The following PTGES3 variants were observed in gnomAD, a reference collection of about 807,000 sequenced individuals.
The protein encoded by PTGES3 is Hsp90 co-chaperone.
A neutral mutation model predicts 29.9 loss-of-function variants in PTGES3; 5 were observed. The observed-to-expected ratio is 0.17, with a 90% CI of 0.09 to 0.35. PTGES3 has a LOEUF of 0.35. Ranked by LOEUF, PTGES3 falls within the 10% of genes least tolerant of loss-of-function variation. The pLI is 1.00. For synonymous variants in PTGES3, 49 were observed against 57.8 expected, an observed-to-expected ratio of 0.85 and a Z score of 0.69; for missense variants, 128 against 190.0, an observed-to-expected ratio of 0.67 and a Z score of 1.92.
intron 1 of PTGES3, among the ~76,000 whole-genome samples, chr12:56,678,834 A>G (rs527579348): frequency 4.3e-4 from 65 of 152,324 alleles, no homozygotes; most frequent in African/African-American, 1.6e-3. Context: ...AGCATGGAAT[A>G]GGCTGGGCAC....
intron 1 of PTGES3, among the ~76,000 whole-genome samples, chr12:56,681,870 C>G (rs1179843394): frequency 1.3e-5 from 2 of 151,784 alleles, no homozygotes; most frequent in Non-Finnish European, 2.9e-5. Flanking sequence ...AAAAAAGAGT[C>G]TCACTCTGTA....
chr12:56,681,680 T>G (rs1252990629), intron 1 of PTGES3, among the ~76,000 whole-genome samples: 3 of 148,354 alleles, frequency 2.0e-5, no homozygotes, highest in Non-Finnish European at 4.4e-5. Context: ...AAACCCCATC[T>G]CTACTTAAAA....
chr12:56,668,330 C>G (rs766801105), intron 5 of PTGES3, among the ~76,000 whole-genome samples: 1 of 152,114 alleles, frequency 6.6e-6, no homozygotes, highest in Non-Finnish European at 1.5e-5. Context: ...CATAACGCTA[C>G]GTGCTTAAGA....
intron 4 of PTGES3, among the ~76,000 whole-genome samples, chr12:56,671,005 G>A (rs1391809502): frequency 6.6e-6 from 1 of 152,146 alleles, no homozygotes; most frequent in African/African-American, 2.4e-5. Flanking sequence ...GCTATTTGGA[G>A]AGGTGAGGTG....
At chr12:56,665,881 G>C in intron 6 of PTGES3, 2 of 936,886 alleles carry the variant, frequency 2.1e-6, no homozygotes, top group Non-Finnish European at 2.6e-6. Flanking sequence ...CTGCCCACCT[G>C]GCCTGCTGGG....
intron 4 of PTGES3, chr12:56,670,582 C>A: frequency 2.0e-6 from 1 of 502,222 alleles, no homozygotes; most frequent in Non-Finnish European, 3.6e-6. Flanking sequence ...CCTCTTCAGG[C>A]AACCTGGTGG....
At chr12:56,684,856 A>C (rs1188478987) in intron 1 of PTGES3, among the ~76,000 whole-genome samples, 1 of 152,222 alleles carries the variant, frequency 6.6e-6, no homozygotes, top group Non-Finnish European at 1.5e-5. Flanking sequence ...ATTTAAAGAA[A>C]TGTAACTACG....
chr12:56,681,604 T>C (rs1290017198), intron 1 of PTGES3, among the ~76,000 whole-genome samples: 1 of 145,050 alleles, frequency 6.9e-6, no homozygotes, highest in African/African-American at 2.6e-5. Flanking sequence ...ATCCCAGCAC[T>C]TTGGGAGGCC....
chr12:56,666,513 G>A (rs1405763795), intron 5 of PTGES3, among the ~76,000 whole-genome samples: 2 of 152,210 alleles, frequency 1.3e-5, no homozygotes, highest in Non-Finnish European at 2.9e-5. Context: ...CAACAGGTTT[G>A]ACAAACATTA....
At chr12:56,684,682 C>G (rs1408709151) in intron 1 of PTGES3, among the ~76,000 whole-genome samples, 1 of 152,014 alleles carries the variant, frequency 6.6e-6, no homozygotes, top group African/African-American at 2.4e-5. Context: ...ATCGGTCGAA[C>G]GACAATGATT....
At chr12:56,677,832 GTA>G (rs1952329145) in intron 1 of PTGES3, among the ~76,000 whole-genome samples, 1 of 152,136 alleles carries the variant, frequency 6.6e-6, no homozygotes, top group African/African-American at 2.4e-5. Flanking sequence ...CTTATGTTGA[GTA>G]TCACTGAATT....
chr12:56,678,894 A>C (rs1565872220), intron 1 of PTGES3, among the ~76,000 whole-genome samples: 1 of 152,146 alleles, frequency 6.6e-6, no homozygotes, highest in Non-Finnish European at 1.5e-5. Context: ...AGGTGAGAGT[A>C]TCATTTTGGG....
At chr12:56,670,483 AG>A (rs1324024598) in intron 4 of PTGES3, 119 bp from the exon 5 acceptor site, 1 of 699,930 alleles carries the variant, frequency 1.4e-6, no homozygotes, top group Non-Finnish European at 2.5e-6. Context: ...CCCAGGCTGG[AG>A]TGCAGCAAGC....
intron 1 of PTGES3, among the ~76,000 whole-genome samples, chr12:56,673,484 G>GA (rs758207497): frequency 0.047 from 1,740 of 36,792 alleles, 571 homozygotes; most frequent in East Asian, 0.24. Flanking sequence ...ATACAAATAC[G>GA]GAAAAAAAAA....
intron 5 of PTGES3, among the ~76,000 whole-genome samples, chr12:56,667,245 A>G (rs1463390267): frequency 6.6e-6 from 1 of 152,234 alleles, no homozygotes; most frequent in African/African-American, 2.4e-5. Flanking sequence ...GGTTTTAGAT[A>G]TTGTGAAGAA....
intron 5 of PTGES3, among the ~76,000 whole-genome samples, chr12:56,669,641 C>T (rs1473604577): frequency 6.6e-6 from 1 of 151,764 alleles, no homozygotes; most frequent in African/African-American, 2.4e-5. Flanking sequence ...TTGACCGAGT[C>T]CCGCTCTTTC....
chr12:56,677,792 C>G (rs1952326669), intron 1 of PTGES3, among the ~76,000 whole-genome samples: 1 of 152,022 alleles, frequency 6.6e-6, no homozygotes, highest in African/African-American at 2.4e-5. Context: ...ACTGAACAAC[C>G]TGAAACTAAT....
Position 56,688,277 on chromosome 12 carries a change from G to A in PTGES3, c.-278C>T. 2.0e-6 allele frequency: 1 copy of A among 494,680 alleles called. No individual in the cohort carries two copies. Among genetic ancestry groups the A allele is most frequent in the Non-Finnish European group, 3.3e-6 (1 of 299,902 alleles). The allele number at this position is 494,680 out of a possible 1,614,324, so 30.6% of individuals were successfully genotyped here. A position where few individuals can be genotyped will look rare whatever the true frequency, so the allele number is the denominator to read the frequency against. On this transcript the variant is annotated 5_prime_UTR_variant, in exon 1 of 8. Coordinates refer to ENST00000262033, the MANE Select transcript of PTGES3 (RefSeq NM_006601.7). ...GAACGTGCGTGCGTGCAAACGAGGGGTGGTGAGGCCGGGCGGCGGCTGGTG... is the reference window on the plus strand; with the variant it reads ...GAACGTGCGTGCGTGCAAACGAGGGATGGTGAGGCCGGGCGGCGGCTGGTG...
Position 56,688,078 on chromosome 12 carries a change from T to G in PTGES3, c.-79A>C, listed in dbSNP as rs1952972827. The G allele has an allele frequency of 7.0e-7, 1 of 1,438,652 alleles. No individual in the cohort carries two copies. The highest frequency in any genetic ancestry group is 1.5e-5 in the African/African-American group (1 of 67,052). 89.1% of individuals were successfully genotyped at this position (1,438,652 alleles called of 1,614,324 possible). A position where few individuals can be genotyped will look rare whatever the true frequency, so the allele number is the denominator to read the frequency against. The stretch of plus-strand genomic sequence containing the variant: ...GCTGCTGCTAGGGAGTCGACTTCTC[T>G]CCGGTGGCGACTCCGCTTTTTCTCT... On this transcript the variant is annotated 5_prime_UTR_variant, in exon 1 of 8. Coordinates refer to ENST00000262033, the MANE Select transcript of PTGES3 (RefSeq NM_006601.7).
Sources: gnomAD v4.1 joint callset for allele counts (sites outside exome capture counted in the v4.1 genomes callset) on GRCh38, gnomAD v4.1.1 for gene constraint, MANE v1.5 for transcripts, NCBI Gene and HGNC (gene_info 2026-07-23, HGNC 2026-07-21) for gene names.